Variants in NME8 observed in about 807,000 individuals in gnomAD.
NME8 encodes protein NME8.
NME8 carries 72 observed loss-of-function variants against 82.3 expected under a neutral mutation model. The ratio of observed to expected loss-of-function variants is 0.87; its 90% CI spans 0.72 to 1.06. NME8 has a LOEUF of 1.06. NME8 is among the 50% of genes least tolerant of loss of function. The probability of loss-of-function intolerance (pLI) is 0.00; values close to 1 mark genes in which losing one functional copy is unlikely to be tolerated. For missense variants in NME8, 712 were observed against 685.4 expected, an observed-to-expected ratio of 1.04 and a Z score of -0.43; for synonymous variants, 267 against 228.5, an observed-to-expected ratio of 1.17 and a Z score of -1.52.
At position 37,888,994 on chromosome 7, in the gene NME8, A is replaced by G. The variant is rs375555468; in HGVS notation, c.1399+566A>G. On this transcript the variant is annotated intron_variant, in intron 15 of 17. Transcript: ENST00000199447. Reference sequence around the variant, plus strand: ...ATGTGAATATATTTTTCAGTGCTCCAAAAGAGTGTAAGCAGCACTGAGATT... The same window carrying G: ...ATGTGAATATATTTTTCAGTGCTCCGAAAGAGTGTAAGCAGCACTGAGATT... Among the ~76,000 whole-genome samples the G allele has an allele frequency of 4.6e-5, 7 of 152,156 alleles. No individual in the cohort carries two copies. The East Asian group carries it at 9.6e-4, about 21-fold the overall frequency.
chr7:37,864,132 T>A (rs1305137827), intron 8 of NME8, among the ~76,000 whole-genome samples: 1 of 152,198 alleles, frequency 6.6e-6, no homozygotes. Context: ...TTAAAAACTC[T>A]TGTAAATGTT....
intron 11 of NME8, among the ~76,000 whole-genome samples, chr7:37,875,017 G>T (rs1485794176): frequency 1.3e-5 from 2 of 152,170 alleles, no homozygotes; most frequent in Non-Finnish European, 2.9e-5. Context: ...GCAGGCTCAT[G>T]AAGATAGTTT....
At position 37,859,333 on chromosome 7, in the gene NME8, C is replaced by T. The variant is rs143739172; in HGVS notation, c.270+1988C>T. ...CATCCTTCTAATGCTTATTCTTTGT[C>T]ACACCCAGTTCTCCAACTCTTCCCC... On this transcript the variant is annotated intron_variant, in intron 6 of 17. Coordinates refer to ENST00000199447, the MANE Select transcript of NME8 (RefSeq NM_016616.5). Among the ~76,000 whole-genome samples, 305 of 152,232 alleles carry T rather than the reference C, an allele frequency of 2.0e-3. 2 individuals are homozygous for T. Among genetic ancestry groups the T allele is most frequent in the African/African-American group, 7.0e-3 (290 of 41,550 alleles).
At chr7:37,857,657 T>C (rs969921873) in intron 6 of NME8, among the ~76,000 whole-genome samples, 4 of 152,224 alleles carry the variant, frequency 2.6e-5, no homozygotes, top group Non-Finnish European at 5.9e-5. Flanking sequence ...GGAAATTTCA[T>C]AGATACCTAG....
At position 37,894,507 on chromosome 7, in the gene NME8, A is replaced by C; in HGVS notation, c.1441A>C (p.Thr481Pro). 6.2e-7 allele frequency: 1 copy of C among 1,613,204 alleles called. No homozygotes were observed. Among genetic ancestry groups the C allele is most frequent in the Non-Finnish European group, 8.5e-7 (1 of 1,179,392 alleles). ...KIVKEAGFDLTQVKKMFLTPE... is the reference protein window; with the variant it reads ...KIVKEAGFDLPQVKKMFLTPE... ...AGTTAAGGAGGCTGGATTTGATCTG[A>C]CACAGGTGAAGAAAATGTTCCTAAC... Residue 481 changes from threonine to proline, a missense_variant, in exon 16 of 18, where the codon ACA becomes CCA. Transcript: ENST00000199447.
At chr7:37,863,125 A>C (rs1562831004) in intron 7 of NME8, among the ~76,000 whole-genome samples, 1 of 152,122 alleles carries the variant, frequency 6.6e-6, no homozygotes, top group Non-Finnish European at 1.5e-5. Context: ...TACTCAAAAA[A>C]AATTTAAAAA....
chr7:37,897,068 CTT>C lies in NME8; in HGVS notation c.1745_1746del (p.Phe582Ter), dbSNP rs1393544534. 3.7e-6 allele frequency: 6 copies of C among 1,613,036 alleles called. No homozygotes were observed. The highest frequency in any genetic ancestry group is 3.3e-4 in the Middle Eastern group (2 of 6,054). On this transcript the variant is annotated frameshift_variant, in exon 17 of 18. Coordinates refer to ENST00000199447, the MANE Select transcript of NME8 (RefSeq NM_016616.5). LOFTEE classifies it low-confidence loss of function (END_TRUNC). ...YEAKEVVNRL[F>X]EDPEEN is the part of the protein sequence containing the mutation. ...AAGCAAAAGAGGTTGTTAATAGACT[CTT>C]TGAGGATCCTGAGGAAAACTAAAGT...
intron 15 of NME8, among the ~76,000 whole-genome samples, chr7:37,890,490 G>A (rs1297747109): frequency 6.6e-6 from 1 of 151,814 alleles, no homozygotes; most frequent in Non-Finnish European, 1.5e-5. Flanking sequence ...AATATACAAT[G>A]CGATATTATT....
intron 6 of NME8, among the ~76,000 whole-genome samples, chr7:37,860,370 G>C (rs1264020809): frequency 6.6e-6 from 1 of 152,090 alleles, no homozygotes; most frequent in Non-Finnish European, 1.5e-5. Context: ...CAAAATTGCT[G>C]TTGCTAATGT....
chr7:37,857,344 T>G lies in NME8; in HGVS notation c.269T>G (p.Val90Gly). The change falls in exon 6 of 18, where the codon GTT becomes GGT. Residue 90 changes from valine (V) to glycine (G), a missense_variant and splice_region_variant. Val to Gly is a moderately radical substitution (Grantham distance 109). Coordinates refer to ENST00000199447, the MANE Select transcript of NME8 (RefSeq NM_016616.5). Reference protein sequence around the residue: ...DKCEPVFLFSVNGKIIEKIQG... With the variant: ...DKCEPVFLFSGNGKIIEKIQG... ...TGTGAACCTGTTTTTCTCTTTAGTG[T>G]TGTAAGTATATTTACTTTCTCAATT... The G allele has an allele frequency of 6.3e-7, 1 of 1,596,954 alleles. No homozygotes were observed. Among genetic ancestry groups the G allele is most frequent in the Non-Finnish European group, 8.6e-7 (1 of 1,165,080 alleles).
At chr7:37,891,831 C>T (rs1355341856) in intron 15 of NME8, among the ~76,000 whole-genome samples, 1 of 151,992 alleles carries the variant, frequency 6.6e-6, no homozygotes, top group Non-Finnish European at 1.5e-5. Context: ...GTTCACTCTT[C>T]TTGACTGAGT....
chr7:37,862,164 A>G lies in NME8; in HGVS notation c.387+20A>G. 2 of 1,496,284 alleles carry G rather than the reference A, an allele frequency of 1.3e-6. No individual in the cohort carries two copies. Among genetic ancestry groups the G allele is most frequent in the South Asian group, 2.3e-5 (2 of 88,638 alleles). 92.7% of individuals were successfully genotyped at this position (1,496,284 alleles called of 1,614,324 possible). On this transcript the variant is annotated intron_variant, in intron 7 of 17. Coordinates refer to ENST00000199447, the MANE Select transcript of NME8 (RefSeq NM_016616.5). ...CCTCAGGTAATACTTTGGATTAACA[A>G]CAGTTTGAAGACAAGCTTATCATTT... is the stretch of plus-strand genomic sequence containing the variant.
intron 11 of NME8, among the ~76,000 whole-genome samples, chr7:37,874,186 A>T (rs1169059365): frequency 6.6e-6 from 1 of 152,222 alleles, no homozygotes; most frequent in Non-Finnish European, 1.5e-5. Context: ...ACAGTTCTTA[A>T]CAGTGAACCT....
intron 17 of NME8, among the ~76,000 whole-genome samples, chr7:37,898,854 G>A (rs1219255193): frequency 6.6e-6 from 1 of 152,038 alleles, no homozygotes; most frequent in Non-Finnish European, 1.5e-5. Context: ...TGGTTGCAAT[G>A]GCAAATTTAA....
intron 15 of NME8, among the ~76,000 whole-genome samples, chr7:37,889,031 G>A (rs1371488212): frequency 6.6e-6 from 1 of 151,822 alleles, no homozygotes; most frequent in Non-Finnish European, 1.5e-5. Context: ...GTATTTGGAG[G>A]TTTGGTAAAA....
chr7:37,897,673 A>G, intron 17 of NME8, among the ~76,000 whole-genome samples: 1 of 110,448 alleles, frequency 9.1e-6, no homozygotes, highest in South Asian at 3.2e-4. Flanking sequence ...CTCACCCCCC[A>G]CCCCCCAACA....
chr7:37,893,895 G>T (rs954479368), intron 15 of NME8, among the ~76,000 whole-genome samples: 3 of 152,086 alleles, frequency 2.0e-5, no homozygotes, highest in Non-Finnish European at 2.9e-5. Context: ...TAATCATATT[G>T]CCTTTAGCTC....
At chr7:37,860,338 A>G (rs1480956585) in intron 6 of NME8, among the ~76,000 whole-genome samples, 1 of 152,056 alleles carries the variant, frequency 6.6e-6, no homozygotes, top group African/African-American at 2.4e-5. Context: ...AATCCATTCT[A>G]CCTGAGCTCT....
intron 15 of NME8, among the ~76,000 whole-genome samples, chr7:37,891,803 G>A (rs1010993909): frequency 6.6e-6 from 1 of 151,796 alleles, no homozygotes; most frequent in African/African-American, 2.4e-5. Flanking sequence ...AAAAAAGTTG[G>A]GATGGATAGG....
Sources: gnomAD v4.1 joint callset for allele counts (sites outside exome capture counted in the v4.1 genomes callset) on GRCh38, gnomAD v4.1.1 for gene constraint, MANE v1.5 for transcripts, NCBI Gene and HGNC (gene_info 2026-07-23, HGNC 2026-07-21) for gene names.